Variants in RALYL observed in about 807,000 individuals in gnomAD.
The protein encoded by RALYL is RALY RNA binding protein like, also known as RNA-binding Raly-like protein.
In RALYL, 29 loss-of-function variants were observed where a neutral mutation model predicts 35.1. That is an observed-to-expected ratio of 0.83 (90% CI 0.61 to 1.13). The LOEUF (loss-of-function observed/expected upper bound fraction) is 1.13. Among genes scored for constraint, RALYL ranks in the 50% most tolerant of loss-of-function variants. The pLI is 0.00. For synonymous variants in RALYL, 120 were observed against 127.6 expected, an observed-to-expected ratio of 0.94 and a Z score of 0.40; for missense variants, 359 against 360.4, an observed-to-expected ratio of 1.00 and a Z score of 0.03.
intron 1 of RALYL, among the ~76,000 whole-genome samples, chr8:84,425,771 C>A (rs2046344188): frequency 6.9e-6 from 1 of 143,956 alleles, no homozygotes; most frequent in South Asian, 2.2e-4. Flanking sequence ...TTTTAGAAAG[C>A]CAGTTTTTCT....
At chr8:84,639,838 C>G (rs1825944189) in intron 2 of RALYL, among the ~76,000 whole-genome samples, 1 of 151,908 alleles carries the variant, frequency 6.6e-6, no homozygotes, top group South Asian at 2.1e-4. Context: ...TCCTTAAAAC[C>G]CTTTTAATCA....
chr8:84,878,536 A>G (rs1403268515), intron 7 of RALYL, among the ~76,000 whole-genome samples: 1 of 149,222 alleles, frequency 6.7e-6, no homozygotes, highest in Non-Finnish European at 1.5e-5. Flanking sequence ...AACATAGTTA[A>G]TAAGCAAATG....
intron 1 of RALYL, among the ~76,000 whole-genome samples, chr8:84,303,439 G>GTA (rs376354926): frequency 4.6e-5 from 7 of 152,252 alleles, no homozygotes; most frequent in African/African-American, 1.7e-4. Flanking sequence ...ACCTTCCCCT[G>GTA]TAATTGCTGA....
At chr8:84,833,390 C>A (rs59957562) in intron 4 of RALYL, among the ~76,000 whole-genome samples, 8,796 of 152,062 alleles carry the variant, frequency 0.058, 791 homozygotes, top group African/African-American at 0.2. Context: ...GTAATCCCAG[C>A]ACTTTGAGAG....
At position 84,648,749 on chromosome 8, in the gene RALYL, G is replaced by A. The variant is rs564804374; in HGVS notation, c.256+119172G>A. Among the ~76,000 whole-genome samples the A allele has an allele frequency of 2.2e-4, 33 of 151,170 alleles. No individual in the cohort carries two copies. The East Asian group carries it at 4.7e-3, about 21-fold the overall frequency. ...TGATGAAATTATTAATATATTATTT[G>A]AATTTATATTCAATGCATTAAGTTG... On this transcript the variant is annotated intron_variant, in intron 2 of 8. Transcript: ENST00000521268.
intron 1 of RALYL, among the ~76,000 whole-genome samples, chr8:84,465,105 G>C (rs1355200521): frequency 8.0e-4 from 92 of 114,848 alleles, no homozygotes; most frequent in Non-Finnish European, 9.9e-4. Flanking sequence ...TGTTCACTCT[G>C]ATGGTAGTTT....
At chr8:84,350,774 A>G (rs1267257123) in intron 1 of RALYL, among the ~76,000 whole-genome samples, 1 of 150,342 alleles carries the variant, frequency 6.7e-6, no homozygotes, top group Non-Finnish European at 1.5e-5. Context: ...AGTTTTATGT[A>G]GACTAAAATA....
At chr8:84,255,330 A>C (rs1035175344) in intron 1 of RALYL, among the ~76,000 whole-genome samples, 2 of 152,158 alleles carry the variant, frequency 1.3e-5, no homozygotes, top group African/African-American at 2.4e-5. Flanking sequence ...GTGCTGAAAA[A>C]ATATAGATTA....
At chr8:84,687,698 TG>T (rs1360391432) in intron 2 of RALYL, among the ~76,000 whole-genome samples, 1 of 152,150 alleles carries the variant, frequency 6.6e-6, no homozygotes, top group East Asian at 1.9e-4. Flanking sequence ...TAGGGTTCTA[TG>T]AAGTACTCTA....
At chr8:84,783,383 G>A (rs774458970) in intron 3 of RALYL, among the ~76,000 whole-genome samples, 22 of 152,226 alleles carry the variant, frequency 1.4e-4, no homozygotes, top group Admixed American at 6.5e-5. Context: ...ACTGAAGACC[G>A]AAAGAGATCT....
intron 1 of RALYL, chr8:84,185,331 A>G: frequency 2.3e-6 from 1 of 425,700 alleles, no homozygotes; most frequent in East Asian, 4.8e-5. Context: ...TTCCCCTGAG[A>G]ACTGTGTACA....
intron 2 of RALYL, among the ~76,000 whole-genome samples, chr8:84,745,232 C>T (rs1003383011): frequency 1.3e-5 from 2 of 151,942 alleles, no homozygotes; most frequent in Non-Finnish European, 2.9e-5. Flanking sequence ...TTCCAAAGCC[C>T]ACTTCCACAA....
chr8:84,686,395 ATTGT>A lies in RALYL; in HGVS notation c.257-88161_257-88158del, dbSNP rs60501106. 3.9e-3 allele frequency among the ~76,000 whole-genome samples: 579 copies of A among 150,134 alleles called. 4 individuals are homozygous for A. Among genetic ancestry groups the A allele is most frequent in the African/African-American group, 0.013 (540 of 40,186 alleles). ...TTATTTAGCTATATTAATACATCAT[ATTGT>A]TTGTTTGTTTGTTTGTTTGTTTTGA... On this transcript the variant is annotated intron_variant, in intron 2 of 8. Transcript: ENST00000521268.
intron 1 of RALYL, among the ~76,000 whole-genome samples, chr8:84,259,295 C>T (rs1831769408): frequency 6.6e-6 from 1 of 152,180 alleles, no homozygotes; most frequent in Non-Finnish European, 1.5e-5. Flanking sequence ...GTTGCATAGC[C>T]TGACCTCTAA....
rs1447470009 is a variant in RALYL at position 84,312,794 on chromosome 8, G to C, written c.-24+128370G>C. 3.9e-5 allele frequency among the ~76,000 whole-genome samples: 6 copies of C among 152,220 alleles called. No homozygotes were observed. The South Asian group carries it at 1.2e-3, about 31-fold the overall frequency. ...CATTGAGTGTCTGTGGCTTTTCCAA[G>C]CACATGGTGCAAGCTGTCAGAGGAT... On this transcript the variant is annotated intron_variant, in intron 1 of 8. Transcript: ENST00000521268.
intron 2 of RALYL, among the ~76,000 whole-genome samples, chr8:84,700,581 A>G (rs999259103): frequency 6.6e-6 from 1 of 152,216 alleles, no homozygotes; most frequent in Non-Finnish European, 1.5e-5. Flanking sequence ...AACCAATACC[A>G]CAAATGAAAA....
intron 1 of RALYL, among the ~76,000 whole-genome samples, chr8:84,407,314 G>A (rs1424897010): frequency 6.6e-6 from 1 of 152,078 alleles, no homozygotes; most frequent in Non-Finnish European, 1.5e-5. Context: ...CCTCATCATG[G>A]GGAATAGTTC....
intron 1 of RALYL, among the ~76,000 whole-genome samples, chr8:84,259,973 A>G (rs765861061): frequency 1.3e-5 from 2 of 152,144 alleles, no homozygotes; most frequent in Non-Finnish European, 2.9e-5. Context: ...TGGAAAGGCT[A>G]AAGATACAGA....
In RALYL at chr8:84,666,335, T is replaced by C. The variant is rs150158636; in HGVS notation, c.257-108244T>C. On this transcript the variant is annotated intron_variant, in intron 2 of 8. Coordinates refer to ENST00000521268, the MANE Select transcript of RALYL (RefSeq NM_173848.7). ...TTTATTCATGTGAACAAAATATACA[T>C]ACGAAAATGAGTACGCATGTGCACA... Among the ~76,000 whole-genome samples, 360 of 152,094 alleles carry C rather than the reference T, an allele frequency of 2.4e-3. 2 individuals carry two copies. The highest frequency in any genetic ancestry group is 8.4e-3 in the African/African-American group (349 of 41,532).
Sources: allele counts gnomAD v4.1 joint callset (sites outside exome capture counted in the v4.1 genomes callset), GRCh38; gene constraint gnomAD v4.1.1; transcripts MANE v1.5; gene names NCBI Gene and HGNC (gene_info 2026-07-23, HGNC 2026-07-21).